EPS8: variants seen among roughly 807,000 people sequenced by gnomAD.
The protein encoded by EPS8 is epidermal growth factor receptor kinase substrate 8.
EPS8 carries 42 observed loss-of-function variants against 103.8 expected under a neutral mutation model. That is an observed-to-expected ratio of 0.40 (90% CI 0.32 to 0.52). The LOEUF (loss-of-function observed/expected upper bound fraction) is 0.52. Ranked by LOEUF, EPS8 falls within the 20% of genes least tolerant of loss-of-function variation. The pLI, the probability that EPS8 is intolerant of heterozygous loss-of-function variation, is 0.40. For missense variants in EPS8, 969 were observed against 1,005.1 expected, an observed-to-expected ratio of 0.96 and a Z score of 0.49; for synonymous variants, 344 against 344.6, an observed-to-expected ratio of 1.00 and a Z score of 0.02.
intron 1 of EPS8, among the ~76,000 whole-genome samples, chr12:15,737,961 T>G (rs1370770268): frequency 1.3e-5 from 2 of 152,060 alleles, no homozygotes; most frequent in Admixed American, 1.3e-4. Context: ...ACTCAGAAAC[T>G]AAGAAAGAGT....
intron 8 of EPS8, among the ~76,000 whole-genome samples, chr12:15,663,948 AATATATATATAT>A (rs58743830): frequency 4.0e-5 from 2 of 49,418 alleles, no homozygotes; most frequent in African/African-American, 1.2e-4. Context: ...AAAAAAAAAT[AATATATATATAT>A]ATATATATAT....
At chr12:15,671,346 C>A (rs896292704) in intron 3 of EPS8, among the ~76,000 whole-genome samples, 5 of 151,982 alleles carry the variant, frequency 3.3e-5, no homozygotes, top group African/African-American at 9.7e-5. Context: ...ATGAGTTAGA[C>A]TACATTATTA....
intron 1 of EPS8, among the ~76,000 whole-genome samples, chr12:15,755,772 C>T (rs1004594643): frequency 3.9e-5 from 6 of 152,106 alleles, no homozygotes; most frequent in African/African-American, 1.4e-4. Flanking sequence ...AAAAGTCTTC[C>T]CCCAATGATT....
At chr12:15,678,914 CAAAAAAAAAAAAA>C (rs34794895) in intron 3 of EPS8, among the ~76,000 whole-genome samples, 1 of 54,738 alleles carries the variant, frequency 1.8e-5, no homozygotes, top group East Asian at 5.7e-4. Context: ...ACTCTGTCTC[CAAAAAAAAAAAAA>C]AAAAAAAAAG....
At chr12:15,671,029 A>G (rs918352306) in intron 3 of EPS8, 106 bp from the exon 4 acceptor site, 3 of 674,782 alleles carry the variant, frequency 4.4e-6, no homozygotes, top group East Asian at 2.8e-5. Flanking sequence ...ACATATAAAT[A>G]CAGTAGCTGA....
At chr12:15,632,338 G>C (rs1375065899) in intron 17 of EPS8, among the ~76,000 whole-genome samples, 3 of 152,086 alleles carry the variant, frequency 2.0e-5, no homozygotes, top group African/African-American at 7.2e-5. Flanking sequence ...AAAAAGGTAG[G>C]TGTGACAAAA....
intron 1 of EPS8, among the ~76,000 whole-genome samples, chr12:15,687,939 T>C (rs1300420865): frequency 1.3e-5 from 2 of 152,254 alleles, no homozygotes; most frequent in African/African-American, 4.8e-5. Context: ...TCATGCTAAA[T>C]GCATTCTATT....
rs116826451 is a variant in EPS8 at position 15,640,466 on chromosome 12, G to A, written c.1821+237C>T. On this transcript the variant is annotated intron_variant, in intron 17 of 20. Transcript: ENST00000281172. ...AGATTGGGGAAAAAAAGCATTCAGAGAATCAGGTACCTACTGCTAAACATC... is the reference window on the plus strand; with the variant it reads ...AGATTGGGGAAAAAAAGCATTCAGAAAATCAGGTACCTACTGCTAAACATC... Among the ~76,000 whole-genome samples the A allele has an allele frequency of 0.017, 2,592 of 152,190 alleles. 89 individuals carry two copies. Among genetic ancestry groups the A allele is most frequent in the African/African-American group, 0.06 (2,494 of 41,522 alleles).
intron 2 of EPS8, among the ~76,000 whole-genome samples, chr12:15,682,453 T>A (rs1446517117): frequency 6.6e-6 from 1 of 152,210 alleles, no homozygotes; most frequent in Non-Finnish European, 1.5e-5. Flanking sequence ...AATATTTTGT[T>A]AGTTTGCCTG....
Position 15,650,900 on chromosome 12 carries a change from G to C in EPS8, c.1357C>G (p.Leu453Val). The C allele has an allele frequency of 2.5e-6, 4 of 1,614,078 alleles. No individual in the cohort carries two copies. The highest frequency in any genetic ancestry group is 3.4e-6 in the Non-Finnish European group (4 of 1,179,968). The change falls in exon 14 of 21, where the codon CTT becomes GTT. Residue 453 changes from leucine (L) to valine (V), a missense_variant. Coordinates refer to ENST00000281172, the MANE Select transcript of EPS8 (RefSeq NM_004447.6). ...NFMGATMEQDLYQLAESVANV... is the reference protein window; with the variant it reads ...NFMGATMEQDVYQLAESVANV... ...GCCACAGATTCTGCCAGTTGATAAAGATCTTGTTCCATTGTGGCTCCCATA... is the reference window on the plus strand; with the variant it reads ...GCCACAGATTCTGCCAGTTGATAAACATCTTGTTCCATTGTGGCTCCCATA...
chr12:15,634,595 C>G (rs774719127), intron 17 of EPS8: 2 of 393,692 alleles, frequency 5.1e-6, no homozygotes, highest in Non-Finnish European at 9.0e-6. Context: ...CTAAATTACA[C>G]ATTTTTCCTC....
chr12:15,735,382 A>G lies in EPS8; in HGVS notation c.-21-52410T>C, dbSNP rs1450618011. 1.3e-5 allele frequency among the ~76,000 whole-genome samples: 2 copies of G among 152,200 alleles called. No homozygotes were observed. Among genetic ancestry groups the G allele is most frequent in the Non-Finnish European group, 2.9e-5 (2 of 68,028 alleles). On this transcript the variant is annotated intron_variant, in intron 1 of 20. Transcript: ENST00000281172. The surrounding 1 kb of genome is among the most constrained non-coding windows in gnomAD (Gnocchi z 4.4). ...TTTTTATCAAGATTCAAAATTATATAGATGGAAAAAATGAAGAGGAAAGAG... is the reference window on the plus strand; with the variant it reads ...TTTTTATCAAGATTCAAAATTATATGGATGGAAAAAATGAAGAGGAAAGAG...
chr12:15,691,155 A>G (rs1946166232), intron 1 of EPS8, among the ~76,000 whole-genome samples: 1 of 151,282 alleles, frequency 6.6e-6, no homozygotes, highest in Non-Finnish European at 1.5e-5. Context: ...TATAGGCAAT[A>G]GAAGACAGCA....
rs533721426 is a variant in EPS8, at chr12:15,665,930, C to G, written c.600-38G>C. ...AAAACAAATAGAATTTTTACCATCT[C>G]TATTTCTATAACATATCAATTAACT... On this transcript the variant is annotated intron_variant, in intron 7 of 20. Coordinates refer to ENST00000281172, the MANE Select transcript of EPS8 (RefSeq NM_004447.6). 67 of 1,600,776 alleles carry G rather than the reference C, an allele frequency of 4.2e-5. No homozygotes were observed. In the Middle Eastern group the frequency reaches 8.4e-4, roughly 20 times the overall value.
Position 15,777,432 on chromosome 12 carries a change from G to A in EPS8, c.-22+11729C>T, listed in dbSNP as rs34323468. Among the ~76,000 whole-genome samples, 27,626 of 152,000 alleles carry A rather than the reference G, an allele frequency of 0.18. 3,255 individuals are homozygous for A. The highest frequency in any genetic ancestry group is 0.41 in the South Asian group (1,979 of 4,822). ...TAAGCACTGTTAACACATTTATTCC[G>A]GACTAGATTTCACTCTTTTCATAAT... On this transcript the variant is annotated intron_variant, in intron 1 of 20. Coordinates refer to ENST00000281172, the MANE Select transcript of EPS8 (RefSeq NM_004447.6). The surrounding 1 kb of genome is among the most constrained non-coding windows in gnomAD (Gnocchi z 4.7).
Position 15,718,802 on chromosome 12 carries a change from T to C in EPS8, c.-21-35830A>G, listed in dbSNP as rs528014395. Among the ~76,000 whole-genome samples, 3 of 135,258 alleles carry C rather than the reference T, an allele frequency of 2.2e-5. No individual in the cohort carries two copies. The South Asian group carries it at 8.7e-4, about 39-fold the overall frequency. 88.7% of individuals were successfully genotyped at this position (135,258 alleles called of 152,430 possible). On this transcript the variant is annotated intron_variant, in intron 1 of 20. Coordinates refer to ENST00000281172, the MANE Select transcript of EPS8 (RefSeq NM_004447.6). ...GTCCTTTCCACAAAAAGTTAAACTC[T>C]AAACAAAACGACAGGACTACTTCAG...
At position 15,781,102 on chromosome 12, in the gene EPS8, T is replaced by C. The variant is rs1947256599; in HGVS notation, c.-22+8059A>G. 6.6e-6 allele frequency among the ~76,000 whole-genome samples: 1 copy of C among 152,188 alleles called. No homozygotes were observed. Among genetic ancestry groups the C allele is most frequent in the South Asian group, 2.1e-4 (1 of 4,838 alleles). ...CCATTATTTGCTTTATTTTGTCTAA[T>C]TCCCCACAAATGTTTCTTTTTAAAA... On this transcript the variant is annotated intron_variant, in intron 1 of 20. Coordinates refer to ENST00000281172, the MANE Select transcript of EPS8 (RefSeq NM_004447.6). This position sits in a 1 kb window ranked among gnomAD's most constrained non-coding sequence, Gnocchi z 4.1.
rs1002668634 is a variant in EPS8 at position 15,757,997 on chromosome 12, T to TTCAGATGA, written c.-22+31163_-22+31164insTCATCTGA. ...TGGAATCATCTGAAGGCCTATTCAC[T>TTCAGATGA]GTCAGCTTGAGACCTTAGCTGGAGT... is the stretch of plus-strand genomic sequence containing the variant. On this transcript the variant is annotated intron_variant, in intron 1 of 20. Transcript: ENST00000281172. This position sits in a 1 kb window ranked among gnomAD's most constrained non-coding sequence, Gnocchi z 4.1. Among the ~76,000 whole-genome samples the TTCAGATGA allele has an allele frequency of 6.6e-6, 1 of 152,220 alleles. No homozygotes were observed. Among genetic ancestry groups the TTCAGATGA allele is most frequent in the African/African-American group, 2.4e-5 (1 of 41,464 alleles).
In EPS8 at chr12:15,736,532, T is replaced by A. The variant is rs896451749; in HGVS notation, c.-22+52629A>T. Among the ~76,000 whole-genome samples the A allele has an allele frequency of 2.6e-5, 4 of 152,220 alleles. No individual in the cohort carries two copies. Among genetic ancestry groups the A allele is most frequent in the Non-Finnish European group, 5.9e-5 (4 of 68,036 alleles). On this transcript the variant is annotated intron_variant, in intron 1 of 20. Coordinates refer to ENST00000281172, the MANE Select transcript of EPS8 (RefSeq NM_004447.6). This position sits in a 1 kb window ranked among gnomAD's most constrained non-coding sequence, Gnocchi z 4.2. The stretch of plus-strand genomic sequence containing the variant: ...TATGTGCTGAACTTCTGCATTTTAC[T>A]CACAGAAGATGCCCTCAAGCTTGGT...
Sources: allele counts gnomAD v4.1 joint callset (sites outside exome capture counted in the v4.1 genomes callset), GRCh38; gene constraint gnomAD v4.1.1; non-coding constraint Gnocchi (gnomAD v3.1); transcripts MANE v1.5; gene names NCBI Gene and HGNC (gene_info 2026-07-23, HGNC 2026-07-21).